Variants in SAMSN1 observed in about 807,000 individuals in gnomAD.
SAMSN1 encodes the protein SAM domain, SH3 domain and nuclear localization signals 1.
Under a neutral mutation model 42.0 loss-of-function variants are expected in SAMSN1, and 31 were observed. The observed-to-expected ratio is 0.74, with a 90% CI of 0.55 to 1.00. The LOEUF is 1.00. Ranked by LOEUF, SAMSN1 falls within the 50% of genes least tolerant of loss-of-function variation. SAMSN1 has a pLI of 0.00. For missense variants in SAMSN1, 464 were observed against 439.4 expected, an observed-to-expected ratio of 1.06 and a Z score of -0.50; for synonymous variants, 178 against 151.9, an observed-to-expected ratio of 1.17 and a Z score of -1.26.
chr21:14,536,564 T>TA (rs372437381), intron 1 of SAMSN1, among the ~76,000 whole-genome samples: 74 of 152,336 alleles, frequency 4.9e-4, no homozygotes, highest in African/African-American at 1.7e-3. Context: ...TCATATTCTG[T>TA]AAAACGGAAA....
chr21:14,575,860 C>T (rs565327971), intron 2 of SAMSN1, among the ~76,000 whole-genome samples: 7 of 152,276 alleles, frequency 4.6e-5, no homozygotes, highest in South Asian at 2.1e-4. Context: ...TTTACTGGTC[C>T]TCTCTAGCCT....
At chr21:14,607,526 G>A (rs971445064) in intron 5 of SAMSN1, among the ~76,000 whole-genome samples, 7 of 152,150 alleles carry the variant, frequency 4.6e-5, no homozygotes, top group South Asian at 2.1e-4. Context: ...TGTCTGCTGA[G>A]GTTCTTGGAC....
intron 1 of SAMSN1, among the ~76,000 whole-genome samples, chr21:14,544,201 C>A (rs1278373353): frequency 6.6e-6 from 1 of 152,162 alleles, no homozygotes; most frequent in South Asian, 2.1e-4. Context: ...CATGCACGTG[C>A]CACCATGCCC....
At chr21:14,605,791 A>G (rs1982547005) in intron 5 of SAMSN1, among the ~76,000 whole-genome samples, 1 of 151,458 alleles carries the variant, frequency 6.6e-6, no homozygotes, top group Non-Finnish European at 1.5e-5. Context: ...AATCTCATTA[A>G]GCCATATGTA....
rs759868363 is a variant in SAMSN1 at position 14,546,303 on chromosome 21, T to C, written c.-42A>G. The C allele has an allele frequency of 6.2e-7, 1 of 1,611,276 alleles. No individual in the cohort carries two copies. The highest frequency in any genetic ancestry group is 8.5e-7 in the Non-Finnish European group (1 of 1,178,800). Reference sequence around the variant, plus strand: ...TCCTAGTGAGTGCACTTTCTGCTGTTACAGAAACAACTGAAAACAGTCAGC... The same window carrying C: ...TCCTAGTGAGTGCACTTTCTGCTGTCACAGAAACAACTGAAAACAGTCAGC... On this transcript the variant is annotated 5_prime_UTR_variant, in exon 1 of 8. Coordinates refer to ENST00000400566, the MANE Select transcript of SAMSN1 (RefSeq NM_022136.5).
chr21:14,650,921 A>G (rs1157237132), intron 1 of SAMSN1, among the ~76,000 whole-genome samples: 1 of 152,012 alleles, frequency 6.6e-6, no homozygotes, highest in Non-Finnish European at 1.5e-5. Flanking sequence ...TATTTAAAAA[A>G]TCTAGAAGAA....
At chr21:14,651,271 C>T (rs1231170794) in intron 1 of SAMSN1, among the ~76,000 whole-genome samples, 1 of 151,452 alleles carries the variant, frequency 6.6e-6, no homozygotes, top group African/African-American at 2.4e-5. Flanking sequence ...AATATTAATG[C>T]AAAACTCCTC....
intron 1 of SAMSN1, among the ~76,000 whole-genome samples, chr21:14,538,846 A>G (rs1467667687): frequency 6.6e-6 from 1 of 152,048 alleles, no homozygotes; most frequent in Non-Finnish European, 1.5e-5. Flanking sequence ...TTTAGATTAA[A>G]AAGAATGGTT....
intron 6 of SAMSN1, 43 bp downstream of exon 6, chr21:14,500,486 A>G: frequency 6.5e-7 from 1 of 1,545,876 alleles, no homozygotes; most frequent in Non-Finnish European, 8.9e-7. Context: ...CGGTGTTTCC[A>G]TTTACATGCT....
intron 7 of SAMSN1, among the ~76,000 whole-genome samples, chr21:14,493,683 T>C (rs1056681384): frequency 1.3e-5 from 2 of 152,052 alleles, no homozygotes; most frequent in Non-Finnish European, 2.9e-5. Flanking sequence ...TAAATTCAGA[T>C]AATAAATAGA....
At chr21:14,579,795 T>A (rs1187007800) in intron 2 of SAMSN1, among the ~76,000 whole-genome samples, 1 of 152,070 alleles carries the variant, frequency 6.6e-6, no homozygotes, top group East Asian at 1.9e-4. Context: ...TCTTCAGATA[T>A]TTATTGAGGA....
intron 1 of SAMSN1, among the ~76,000 whole-genome samples, chr21:14,644,285 C>T (rs557052835): frequency 2.6e-5 from 4 of 151,986 alleles, no homozygotes; most frequent in East Asian, 1.9e-4. Context: ...TGAGGAGAGA[C>T]GGAAGTGTAG....
intron 2 of SAMSN1, among the ~76,000 whole-genome samples, chr21:14,551,684 TTAA>T (rs1980600861): frequency 6.6e-6 from 1 of 152,138 alleles, no homozygotes; most frequent in South Asian, 2.1e-4. Context: ...GTTAATAATA[TTAA>T]TAATAATGAC....
chr21:14,583,012 C>G (rs1264748250), intron 1 of SAMSN1, among the ~76,000 whole-genome samples: 2 of 152,070 alleles, frequency 1.3e-5, no homozygotes, highest in African/African-American at 4.8e-5. Context: ...TGCAGTGTGT[C>G]TCACAGTGAA....
chr21:14,631,403 G>A (rs1983325088), intron 2 of SAMSN1, among the ~76,000 whole-genome samples: 2 of 152,118 alleles, frequency 1.3e-5, no homozygotes, highest in African/African-American at 4.8e-5. Flanking sequence ...GGTGGGATTT[G>A]TTTGTTTGTT....
intron 1 of SAMSN1, among the ~76,000 whole-genome samples, chr21:14,646,238 C>T (rs760779874): frequency 6.6e-6 from 1 of 151,948 alleles, no homozygotes; most frequent in Non-Finnish European, 1.5e-5. Context: ...TCCCAACTAT[C>T]AAGGATAAAG....
chr21:14,615,361 G>A (rs1179954491), intron 3 of SAMSN1, among the ~76,000 whole-genome samples: 2 of 152,046 alleles, frequency 1.3e-5, no homozygotes, highest in Non-Finnish European at 2.9e-5. Context: ...AAGAGCTTTT[G>A]AGAAAGAGGA....
chr21:14,562,415 T>A (rs1486913835), intron 2 of SAMSN1, among the ~76,000 whole-genome samples: 1 of 152,128 alleles, frequency 6.6e-6, no homozygotes, highest in Admixed American at 6.5e-5. Flanking sequence ...CCTGTCTGCA[T>A]AATGTTACCT....
intron 7 of SAMSN1, among the ~76,000 whole-genome samples, chr21:14,498,067 GTGT>G (rs1161098797): frequency 2.6e-5 from 4 of 152,126 alleles, no homozygotes; most frequent in Admixed American, 2.6e-4. Flanking sequence ...TTAAAGCCTC[GTGT>G]TGTTCTACAG....
Sources: gnomAD v4.1 joint callset for allele counts (sites outside exome capture counted in the v4.1 genomes callset) on GRCh38, gnomAD v4.1.1 for gene constraint, MANE v1.5 for transcripts, NCBI Gene and HGNC (gene_info 2026-07-23, HGNC 2026-07-21) for gene names.